Variants in KY observed in about 807,000 individuals in gnomAD.
KY encodes the protein kyphoscoliosis peptidase.
In KY, 43 loss-of-function variants were observed where a neutral mutation model predicts 76.1. The observed-to-expected ratio is 0.57, with a 90% CI of 0.44 to 0.73. The LOEUF (loss-of-function observed/expected upper bound fraction) is 0.73. KY is among the 30% of genes least tolerant of loss of function. The pLI is 0.00. For synonymous variants in KY, 277 were observed against 326.2 expected (o/e 0.85, Z 1.63); for missense variants, 722 against 828.9 (o/e 0.87, Z 1.58).
chr3:134,610,306 C>G lies in KY; in HGVS notation c.788G>C (p.Gly263Ala). ...AGCATTCCAGGCATGGTCAAACTCC[C>G]CCGAGAAGCTCTGCCCTGTCTGGTA... is the stretch of plus-strand genomic sequence containing the variant. ...FGYQTGQSFS[G>A]EFDHAWNAVY... Residue 263 changes from glycine (G) to alanine (A), a missense_variant, in exon 9 of 11, where the codon GGG (glycine) becomes GCG (alanine). Gly to Ala is a moderately conservative substitution (Grantham distance 60). Transcript: ENST00000423778. The G allele has an allele frequency of 6.2e-7, 1 of 1,613,842 alleles. No homozygotes were observed. The highest frequency in any genetic ancestry group is 8.5e-7 in the Non-Finnish European group (1 of 1,179,862).
At chr3:134,624,710 G>A (rs538323331) in intron 6 of KY, among the ~76,000 whole-genome samples, 15 of 152,340 alleles carry the variant, frequency 9.8e-5, no homozygotes, top group African/African-American at 2.9e-4. Context: ...TCCATGGACT[G>A]GAGGCAGGCA....
intron 8 of KY, among the ~76,000 whole-genome samples, chr3:134,615,701 A>G (rs1961436973): frequency 6.6e-6 from 1 of 150,552 alleles, no homozygotes. Context: ...CAGAGGCCTT[A>G]TACACCAGCA....
At chr3:134,642,154 C>A (rs530703256) in intron 3 of KY, among the ~76,000 whole-genome samples, 300 of 152,290 alleles carry the variant, frequency 2.0e-3, no homozygotes, top group Non-Finnish European at 3.3e-3. Context: ...CTGGTAATCC[C>A]AGTTGGCTGG....
At chr3:134,606,397 A>G (rs1577579913) in intron 10 of KY, among the ~76,000 whole-genome samples, 1 of 151,630 alleles carries the variant, frequency 6.6e-6, no homozygotes, top group Non-Finnish European at 1.5e-5. Flanking sequence ...CAAGGCCACA[A>G]CCCTTCATGC....
chr3:134,613,537 G>A (rs949099902), intron 8 of KY, among the ~76,000 whole-genome samples: 1 of 152,218 alleles, frequency 6.6e-6, no homozygotes, highest in Non-Finnish European at 1.5e-5. Context: ...GAGTGACCTT[G>A]CCAGGCTTAT....
At chr3:134,640,849 C>T (rs1237913972) in intron 3 of KY, among the ~76,000 whole-genome samples, 1 of 152,200 alleles carries the variant, frequency 6.6e-6, no homozygotes, top group Admixed American at 6.5e-5. Context: ...TATCACAATG[C>T]CTCTTAAGGG....
At chr3:134,618,679 A>G (rs1962028522) in intron 8 of KY, among the ~76,000 whole-genome samples, 1 of 152,192 alleles carries the variant, frequency 6.6e-6, no homozygotes, top group Non-Finnish European at 1.5e-5. Context: ...CAGCGACTCC[A>G]AGAGTAGCCG....
intron 3 of KY, among the ~76,000 whole-genome samples, chr3:134,634,103 C>T (rs919958175): frequency 6.6e-6 from 1 of 152,166 alleles, no homozygotes; most frequent in African/African-American, 2.4e-5. Context: ...TGATTACACA[C>T]ATTAAAGATG....
At chr3:134,619,714 G>A (rs976600064) in intron 7 of KY, among the ~76,000 whole-genome samples, 3 of 152,254 alleles carry the variant, frequency 2.0e-5, no homozygotes, top group Non-Finnish European at 4.4e-5. Context: ...AGGAGGGGAT[G>A]AAGACATTGC....
chr3:134,629,052 A>G (rs1219626933), intron 4 of KY, among the ~76,000 whole-genome samples: 1 of 152,172 alleles, frequency 6.6e-6, no homozygotes, highest in Non-Finnish European at 1.5e-5. Context: ...CAGGGAGAGG[A>G]CCGAGAAGGG....
chr3:134,638,774 C>G (rs1331822595), intron 3 of KY, among the ~76,000 whole-genome samples: 3 of 152,220 alleles, frequency 2.0e-5, no homozygotes, highest in Non-Finnish European at 4.4e-5. Context: ...CTTCAGGTTT[C>G]AATCAGGATT....
intron 3 of KY, among the ~76,000 whole-genome samples, 167 bp from the exon 4 acceptor site, chr3:134,629,862 G>A (rs1440320825): frequency 6.6e-6 from 1 of 152,146 alleles, no homozygotes; most frequent in Non-Finnish European, 1.5e-5. Flanking sequence ...AAACCAAGCA[G>A]ATAGTTTCCA....
rs1387126784 is a variant in KY, at chr3:134,647,419, G to T, written c.199+16C>A. 6.3e-7 allele frequency: 1 copy of T among 1,590,450 alleles called. No homozygotes were observed. The highest frequency in any genetic ancestry group is 8.6e-7 in the Non-Finnish European group (1 of 1,161,402). ...TGTATTAAATCCTATAGGTTGAAAG[G>T]AAAAAGAGAATTTACCGTGAAAGTC... On this transcript the variant is annotated intron_variant, in intron 2 of 10. Transcript: ENST00000423778.
Position 134,610,334 on chromosome 3 carries a change from CG to C in KY, c.759del (p.Phe253LeufsTer75). On this transcript the variant is annotated frameshift_variant, in exon 9 of 11. Coordinates refer to ENST00000423778, the MANE Select transcript of KY (RefSeq NM_178554.6). LOFTEE classifies it high-confidence loss of function. The part of the protein sequence containing the change: ...CMTVPGYSKG[F>X]GYQTGQSFSG... Reference sequence around the variant, plus strand: ...GAGAAGCTCTGCCCTGTCTGGTAGCCGAAACCCTTGGAGTAGCCAGGCACGG... The same window carrying C: ...GAGAAGCTCTGCCCTGTCTGGTAGCCAAACCCTTGGAGTAGCCAGGCACGG... The C allele has an allele frequency of 6.2e-7, 1 of 1,613,626 alleles. No homozygotes were observed.
chr3:134,614,044 C>T (rs1961041770), intron 8 of KY, among the ~76,000 whole-genome samples: 2 of 152,174 alleles, frequency 1.3e-5, no homozygotes, highest in Non-Finnish European at 2.9e-5. Flanking sequence ...TCAGTGGCTG[C>T]CCTAGATGTG....
intron 8 of KY, among the ~76,000 whole-genome samples, chr3:134,618,653 T>G (rs1020984405): frequency 2.6e-5 from 4 of 151,890 alleles, no homozygotes; most frequent in African/African-American, 9.7e-5. Context: ...ACTCCCAGAG[T>G]GCTGAAAATG....
In KY at chr3:134,603,805, C is replaced by G. The variant is rs557329618; in HGVS notation, c.1760G>C (p.Gly587Ala). ...GACATTCCGGTTGGCAGGAAGCACA[C>G]CTGACAGAGGTTCCAGCAGCTCATT... is the stretch of plus-strand genomic sequence containing the variant. ...QDNELLEPLSGVLPANRNVPF... is the reference protein window; with the variant it reads ...QDNELLEPLSAVLPANRNVPF... Residue 587 changes from glycine to alanine, a missense_variant, in exon 11 of 11, where the codon GGT becomes GCT. Around this residue, in one of 2 missense-constraint regions of KY, gnomAD observed 552 missense variants for 680.9 expected, o/e 0.81. Coordinates refer to ENST00000423778, the MANE Select transcript of KY (RefSeq NM_178554.6). The G allele has an allele frequency of 6.2e-7, 1 of 1,613,758 alleles. No individual in the cohort carries two copies. The highest frequency in any genetic ancestry group is 2.2e-5 in the East Asian group (1 of 44,876).
At position 134,600,364 on chromosome 3, in the gene KY, A is replaced by C. The variant is rs189031849; in HGVS notation, c.*3215T>G. Among the ~76,000 whole-genome samples, 1 of 152,356 alleles carries C rather than the reference A, an allele frequency of 6.6e-6. No homozygotes were observed. The highest frequency in any genetic ancestry group is 1.5e-5 in the Non-Finnish European group (1 of 68,024). ...CTTGTCCCTCCTGCTTAACAACAGG[A>C]AATAGTTCTTTATGTCTAGCCGAAA... On this transcript the variant is annotated 3_prime_UTR_variant, in exon 11 of 11. Transcript: ENST00000423778.
At chr3:134,647,671 CA>C (rs1278782761) in intron 1 of KY, among the ~76,000 whole-genome samples, 174 bp from the exon 2 acceptor site, 1 of 152,104 alleles carries the variant, frequency 6.6e-6, no homozygotes, top group Non-Finnish European at 1.5e-5. Flanking sequence ...TCTCAAAATT[CA>C]AAACATTTAA....
Sources: gnomAD v4.1 joint callset for allele counts (sites outside exome capture counted in the v4.1 genomes callset) on GRCh38, gnomAD v4.1.1 for gene constraint, gnomAD v4.1.1 regional missense constraint, MANE v1.5 for transcripts, NCBI Gene and HGNC (gene_info 2026-07-23, HGNC 2026-07-21) for gene names.